RIPOR2: variants seen among roughly 807,000 people sequenced by gnomAD.
RIPOR2 encodes RHO family interacting cell polarization regulator 2, also known as rho family-interacting cell polarization regulator 2.
In RIPOR2, 39 loss-of-function variants were observed where a neutral mutation model predicts 114.5. The observed-to-expected ratio is 0.34, with a 90% CI of 0.26 to 0.44. RIPOR2 has a LOEUF of 0.44. Ranked by LOEUF, RIPOR2 falls within the 20% of genes least tolerant of loss-of-function variation. The pLI is 1.00. For synonymous variants in RIPOR2, 445 were observed against 484.4 expected, an observed-to-expected ratio of 0.92 and a Z score of 1.07; for missense variants, 1,007 against 1,255.1, an observed-to-expected ratio of 0.80 and a Z score of 2.99.
At chr6:24,945,911 A>T (rs564254944) in intron 1 of RIPOR2, among the ~76,000 whole-genome samples, 1 of 152,112 alleles carries the variant, frequency 6.6e-6, no homozygotes, top group Non-Finnish European at 1.5e-5. Flanking sequence ...TAAATAAAAT[A>T]TGAATATTTT....
chr6:24,988,464 A>G (rs1774636435), intron 1 of RIPOR2, among the ~76,000 whole-genome samples: 1 of 152,154 alleles, frequency 6.6e-6, no homozygotes, highest in Admixed American at 6.5e-5. Flanking sequence ...ATGAGCCACC[A>G]CGCCCAGCTA....
At chr6:24,936,443 CT>C (rs970111179), upstream of RIPOR2, among the ~76,000 whole-genome samples, 1 of 151,960 alleles carries the variant, frequency 6.6e-6, no homozygotes, top group Admixed American at 6.6e-5. Context: ...CTTTTCTTTT[CT>C]TTTTTTCAAA....
At chr6:25,010,383 T>C (rs905491755) in intron 1 of RIPOR2, among the ~76,000 whole-genome samples, 1 of 152,058 alleles carries the variant, frequency 6.6e-6, no homozygotes, top group African/African-American at 2.4e-5. Flanking sequence ...CCTCCCGCCT[T>C]GAGTGGAAGC....
chr6:25,036,762 A>G (rs1233833186), intron 1 of RIPOR2, among the ~76,000 whole-genome samples: 1 of 152,166 alleles, frequency 6.6e-6, no homozygotes, highest in Non-Finnish European at 1.5e-5. Context: ...ATTTACTTGT[A>G]CTGAAAATAG....
chr6:24,902,696 A>C (rs1768598449), intron 1 of RIPOR2, among the ~76,000 whole-genome samples: 1 of 152,206 alleles, frequency 6.6e-6, no homozygotes, highest in Admixed American at 6.5e-5. Context: ...ACTCCTTCTC[A>C]ATGGTACCAA....
chr6:24,912,430 A>G (rs903151950), intron 1 of RIPOR2, among the ~76,000 whole-genome samples: 2 of 150,492 alleles, frequency 1.3e-5, no homozygotes, highest in East Asian at 3.9e-4. Flanking sequence ...AAATACCTTA[A>G]TCTGCATCCA....
intron 1 of RIPOR2, among the ~76,000 whole-genome samples, chr6:24,950,286 T>A (rs950765927): frequency 3.9e-5 from 6 of 152,188 alleles, no homozygotes; most frequent in Non-Finnish European, 7.4e-5. Flanking sequence ...GCCAGATCAC[T>A]CTGTGAAGGC....
intron 1 of RIPOR2, among the ~76,000 whole-genome samples, chr6:25,022,021 T>A (rs906556835): frequency 2.0e-5 from 3 of 152,126 alleles, no homozygotes; most frequent in African/African-American, 4.8e-5. Context: ...TTAAAAAAAA[T>A]GGTCTGTAAT....
At chr6:24,940,649 C>T (rs6929465), upstream of RIPOR2, among the ~76,000 whole-genome samples, 79,698 of 151,628 alleles carry the variant, frequency 0.53, 21,401 homozygotes, top group Middle Eastern at 0.61. Context: ...AAAAGGAATA[C>T]GATTTTTTTT....
chr6:24,947,183 G>T (rs186248921), intron 1 of RIPOR2, among the ~76,000 whole-genome samples: 1 of 152,154 alleles, frequency 6.6e-6, no homozygotes, highest in East Asian at 1.9e-4. Context: ...CTTCCCTCCC[G>T]CAAATTCGGC....
intron 1 of RIPOR2, among the ~76,000 whole-genome samples, chr6:25,022,577 TCTTGTTC>T (rs1776386674): frequency 7.2e-6 from 1 of 138,088 alleles, no homozygotes; most frequent in Non-Finnish European, 1.5e-5. Flanking sequence ...TTAGACAGGT[TCTTGTTC>T]TGTCACCCAG....
At chr6:24,998,787 C>T (rs557933969) in intron 1 of RIPOR2, among the ~76,000 whole-genome samples, 2 of 152,210 alleles carry the variant, frequency 1.3e-5, no homozygotes, top group South Asian at 2.1e-4. Context: ...GAATTCCAAT[C>T]GGCCCAAGGT....
intron 1 of RIPOR2, among the ~76,000 whole-genome samples, chr6:24,930,542 A>T (rs1771306627): frequency 6.6e-6 from 1 of 152,178 alleles, no homozygotes; most frequent in South Asian, 2.1e-4. Context: ...ATTTTAGTTT[A>T]TGCCCCTGCA....
At chr6:24,982,519 T>G (rs1774338850) in intron 1 of RIPOR2, among the ~76,000 whole-genome samples, 1 of 152,252 alleles carries the variant, frequency 6.6e-6, no homozygotes, top group Non-Finnish European at 1.5e-5. Context: ...ACAAGTGAGC[T>G]TATCACTTAT....
chr6:25,031,738 T>TAGA (rs1561855860), intron 1 of RIPOR2, among the ~76,000 whole-genome samples: 36 of 84,650 alleles, frequency 4.3e-4, no homozygotes, highest in African/African-American at 1.3e-3. Flanking sequence ...TATATATATA[T>TAGA]ATATATATAT....
rs1179360854 is a variant in RIPOR2 at position 24,843,741 on chromosome 6, GTGTA to G, written c.1165-191_1165-188del. On this transcript the variant is annotated intron_variant, in intron 12 of 21. Transcript: ENST00000643898. Reference sequence around the variant, plus strand: ...TGTGTGTGTGTGTGTGTGTGTGTGTGTGTATCTGGCAAAAGAAAACAGACCATCA... The same window carrying G: ...TGTGTGTGTGTGTGTGTGTGTGTGTGTCTGGCAAAAGAAAACAGACCATCA... Among the ~76,000 whole-genome samples, 10 of 134,628 alleles carry G rather than the reference GTGTA, an allele frequency of 7.4e-5. No individual in the cohort carries two copies. The East Asian group carries it at 1.8e-3, about 25-fold the overall frequency. The allele number at this position is 134,628 out of a possible 152,430, so 88.3% of individuals were successfully genotyped here.
At chr6:24,908,794 C>G (rs969469874) in intron 1 of RIPOR2, among the ~76,000 whole-genome samples, 4 of 152,188 alleles carry the variant, frequency 2.6e-5, no homozygotes, top group South Asian at 2.1e-4. Context: ...GGTCCCTTCT[C>G]TGCTGGAAAT....
chr6:25,023,524 G>T, intron 1 of RIPOR2: 1 of 772,838 alleles, frequency 1.3e-6, no homozygotes, highest in Non-Finnish European at 2.4e-6. Flanking sequence ...GCCAGAAAGC[G>T]GTGTACACCA....
At chr6:24,866,410 G>A (rs970272086) in intron 6 of RIPOR2, among the ~76,000 whole-genome samples, 1 of 152,070 alleles carries the variant, frequency 6.6e-6, no homozygotes, top group African/African-American at 2.4e-5. Context: ...GGGTCTACTG[G>A]CATCTAGTGG....
Sources: allele counts gnomAD v4.1 joint callset (sites outside exome capture counted in the v4.1 genomes callset), GRCh38; gene constraint gnomAD v4.1.1; transcripts MANE v1.5; gene names NCBI Gene and HGNC (gene_info 2026-07-23, HGNC 2026-07-21).